Variants in GADL1 observed in about 807,000 individuals in gnomAD.
GADL1 encodes acidic amino acid decarboxylase GADL1.
A neutral mutation model predicts 69.5 loss-of-function variants in GADL1; 71 were observed. The ratio of observed to expected loss-of-function variants is 1.02; its 90% CI spans 0.84 to 1.25. GADL1 has a LOEUF of 1.25. Among genes scored for constraint, GADL1 ranks in the 50% most tolerant of loss-of-function variants. GADL1 has a pLI of 0.00. For synonymous variants in GADL1, 254 were observed against 214.4 expected, an observed-to-expected ratio of 1.18 and a Z score of -1.62; for missense variants, 737 against 631.8, an observed-to-expected ratio of 1.17 and a Z score of -1.79.
rs1443587947 is a variant in GADL1 at position 30,728,162 on chromosome 3, T to G, written c.*80A>C. 1.6e-6 allele frequency: 2 copies of G among 1,261,180 alleles called. No individual in the cohort carries two copies. Among genetic ancestry groups the G allele is most frequent in the African/African-American group, 2.9e-5 (2 of 67,880 alleles). The allele number at this position is 1,261,180 out of a possible 1,614,324, so 78.1% of individuals were successfully genotyped here. On this transcript the variant is annotated 3_prime_UTR_variant, in exon 15 of 15. Transcript: ENST00000282538. ...CTATTTCTCATCAGAAGGGCTGCAA[T>G]CTACTGTGTATCTCCAAGATGTTCT...
At chr3:30,819,234 C>T (rs1323522310) in intron 11 of GADL1, among the ~76,000 whole-genome samples, 1 of 151,926 alleles carries the variant, frequency 6.6e-6, no homozygotes, top group Non-Finnish European at 1.5e-5. Context: ...GCTTTCTCTT[C>T]AGAGAGTCCT....
intron 11 of GADL1, among the ~76,000 whole-genome samples, chr3:30,816,218 A>G (rs1382079172): frequency 1.3e-5 from 2 of 152,048 alleles, no homozygotes; most frequent in Non-Finnish European, 2.9e-5. Context: ...CCCCTAATGC[A>G]TCCTGGAAAA....
intron 1 of GADL1, among the ~76,000 whole-genome samples, chr3:30,882,035 T>A (rs1368926963): frequency 3.9e-5 from 6 of 151,922 alleles, no homozygotes; most frequent in Non-Finnish European, 8.8e-5. Context: ...AAATTACCCA[T>A]TCTGTGGTAT....
intron 1 of GADL1, among the ~76,000 whole-genome samples, chr3:30,874,047 A>C (rs1347416105): frequency 6.6e-6 from 1 of 151,926 alleles, no homozygotes; most frequent in Admixed American, 6.6e-5. Context: ...ACTGCCTTCT[A>C]GGGAGGGAGG....
Position 30,821,015 on chromosome 3 carries a change from C to CT in GADL1, c.1050+12837dup, listed in dbSNP as rs1251774712. Among the ~76,000 whole-genome samples the CT allele has an allele frequency of 3.3e-5, 5 of 152,158 alleles. No homozygotes were observed. The East Asian group carries it at 5.8e-4, about 18-fold the overall frequency. On this transcript the variant is annotated intron_variant, in intron 11 of 14. Transcript: ENST00000282538. ...CCATAAAAAATGATGAGTTCATGTC[C>CT]TTTGTAGGGACATGGATGAAAATTG...
intron 14 of GADL1, among the ~76,000 whole-genome samples, chr3:30,744,833 G>A (rs1364647407): frequency 2.0e-5 from 3 of 152,170 alleles, no homozygotes; most frequent in Non-Finnish European, 4.4e-5. Flanking sequence ...ACAAATGAGA[G>A]TGGCCATGTT....
intron 14 of GADL1, among the ~76,000 whole-genome samples, chr3:30,754,824 T>A (rs1049912751): frequency 2.0e-5 from 3 of 151,388 alleles, no homozygotes; most frequent in African/African-American, 7.3e-5. Flanking sequence ...GAATTTTAAC[T>A]CTGTTCTATG....
chr3:30,740,359 G>A (rs931936197), intron 14 of GADL1, among the ~76,000 whole-genome samples: 2 of 152,230 alleles, frequency 1.3e-5, no homozygotes, highest in African/African-American at 4.8e-5. Flanking sequence ...CACGTCTAAG[G>A]GGAGAAAGTT....
At chr3:30,868,448 A>T (rs1055329064) in intron 1 of GADL1, among the ~76,000 whole-genome samples, 1 of 152,024 alleles carries the variant, frequency 6.6e-6, no homozygotes, top group African/African-American at 2.4e-5. Context: ...CCAAAGCCTG[A>T]GCTTTAAGTC....
intron 11 of GADL1, among the ~76,000 whole-genome samples, chr3:30,818,580 T>A (rs528190707): frequency 6.6e-6 from 1 of 152,266 alleles, no homozygotes; most frequent in South Asian, 2.1e-4. Context: ...GAGTTGCCAG[T>A]TAAAATACAA....
chr3:30,849,427 G>T (rs1698110516), intron 6 of GADL1, among the ~76,000 whole-genome samples: 1 of 152,108 alleles, frequency 6.6e-6, no homozygotes, highest in Non-Finnish European at 1.5e-5. Flanking sequence ...AGTGACAGAG[G>T]CAGGGACTGA....
rs545822583 is a variant in GADL1 at position 30,819,084 on chromosome 3, G to A, written c.1050+14769C>T. ...CTAGTTTCTGCTTGAACATATTGAC[G>A]TGGGAGATTGAGGGGGAGGCTTCCC... On this transcript the variant is annotated intron_variant, in intron 11 of 14. Coordinates refer to ENST00000282538, the MANE Select transcript of GADL1 (RefSeq NM_207359.3). Among the ~76,000 whole-genome samples the A allele has an allele frequency of 1.5e-3, 234 of 152,064 alleles. 1 individual carries two copies. Among genetic ancestry groups the A allele is most frequent in the Non-Finnish European group, 1.7e-3 (118 of 67,986 alleles).
chr3:30,810,613 A>G (rs910707920), intron 11 of GADL1, among the ~76,000 whole-genome samples: 1 of 152,130 alleles, frequency 6.6e-6, no homozygotes, highest in Non-Finnish European at 1.5e-5. Flanking sequence ...TAAGTTATCA[A>G]AGAGATCCTA....
At chr3:30,783,797 C>A (rs1320134567) in intron 13 of GADL1, among the ~76,000 whole-genome samples, 1 of 152,170 alleles carries the variant, frequency 6.6e-6, no homozygotes, top group Non-Finnish European at 1.5e-5. Context: ...AAAATCCCAC[C>A]TTAGCTTTCA....
At chr3:30,853,710 C>A (rs1297070440) in intron 4 of GADL1, among the ~76,000 whole-genome samples, 1 of 152,080 alleles carries the variant, frequency 6.6e-6, no homozygotes, top group Admixed American at 6.6e-5. Flanking sequence ...AGTCTTCTCC[C>A]TTTTACTGTT....
chr3:30,788,371 C>T lies in GADL1; in HGVS notation c.1251-1965G>A, dbSNP rs529769249. 6.6e-5 allele frequency among the ~76,000 whole-genome samples: 10 copies of T among 152,248 alleles called. 1 individual carries two copies. In the South Asian group the frequency reaches 1.2e-3, roughly 19 times the overall value. On this transcript the variant is annotated intron_variant, in intron 12 of 14. Transcript: ENST00000282538. ...ATACTGTAGTCTGAGTTTACAATGG[C>T]ATTATGTCTAAAACACAATGCACAT... is the stretch of plus-strand genomic sequence containing the variant.
chr3:30,844,155 G>C, intron 8 of GADL1, 55 bp downstream of exon 8: 12 of 1,350,236 alleles, frequency 8.9e-6, no homozygotes, highest in Non-Finnish European at 1.2e-5. Flanking sequence ...ATAAGCGCGC[G>C]GGCGTGCGCG....
At chr3:30,764,682 T>G (rs1006368289) in intron 14 of GADL1, among the ~76,000 whole-genome samples, 2 of 152,216 alleles carry the variant, frequency 1.3e-5, no homozygotes, top group African/African-American at 4.8e-5. Context: ...CTGATCATCT[T>G]ACACTTAAGA....
At chr3:30,873,515 C>A (rs1306041887) in intron 1 of GADL1, among the ~76,000 whole-genome samples, 1 of 151,840 alleles carries the variant, frequency 6.6e-6, no homozygotes, top group Non-Finnish European at 1.5e-5. Context: ...GAACATATTG[C>A]TTTCTGTGTC....
Sources: allele counts gnomAD v4.1 joint callset (sites outside exome capture counted in the v4.1 genomes callset), GRCh38; gene constraint gnomAD v4.1.1; transcripts MANE v1.5; gene names NCBI Gene and HGNC (gene_info 2026-07-23, HGNC 2026-07-21).